The following FARP1 variants were observed in gnomAD, a reference collection of about 807,000 sequenced individuals.
FARP1 encodes the protein FERM, ARHGEF and pleckstrin domain-containing protein 1.
A neutral mutation model predicts 128.8 loss-of-function variants in FARP1; 52 were observed. That is an observed-to-expected ratio of 0.40 (90% CI 0.32 to 0.51). The LOEUF is 0.51. Among genes scored for constraint, FARP1 ranks in the 20% least tolerant of loss-of-function variants. The probability of loss-of-function intolerance (pLI) is 0.45; values close to 1 mark genes in which losing one functional copy is unlikely to be tolerated. For synonymous variants in FARP1, 580 were observed against 551.8 expected (o/e 1.05, Z -0.72); for missense variants, 1,333 against 1,367.9 (o/e 0.97, Z 0.40).
intron 2 of FARP1, among the ~76,000 whole-genome samples, chr13:98,297,470 C>T (rs1454106811): frequency 6.6e-6 from 1 of 152,216 alleles, no homozygotes; most frequent in Non-Finnish European, 1.5e-5. Context: ...AGGCTTTGTT[C>T]ATGCTATTTT....
At chr13:98,238,831 C>T (rs1217572666) in intron 2 of FARP1, among the ~76,000 whole-genome samples, 1 of 152,098 alleles carries the variant, frequency 6.6e-6, no homozygotes, top group South Asian at 2.1e-4. Flanking sequence ...CAACAATAGG[C>T]TATGAGTAGT....
chr13:98,225,891 G>A lies in FARP1; in HGVS notation c.171+12478G>A, dbSNP rs143810668. 4.9e-4 allele frequency among the ~76,000 whole-genome samples: 75 copies of A among 152,328 alleles called. No homozygotes were observed. In the East Asian group the frequency reaches 0.014, roughly 28 times the overall value. On this transcript the variant is annotated intron_variant, in intron 2 of 26. Coordinates refer to ENST00000319562, the MANE Select transcript of FARP1 (RefSeq NM_005766.4). The stretch of plus-strand genomic sequence containing the variant: ...CACACAAGGTACTGACTGAAAACAA[G>A]GGCGTTTTTGTACATCCCTTTTACC...
chr13:98,362,311 C>A (rs1358680589), intron 3 of FARP1, among the ~76,000 whole-genome samples: 1 of 152,172 alleles, frequency 6.6e-6, no homozygotes, highest in African/African-American at 2.4e-5. Context: ...AGCTACCCCC[C>A]ATTCTGTTGC....
At chr13:98,358,627 G>GT (rs577449797) in intron 3 of FARP1, among the ~76,000 whole-genome samples, 2 of 152,016 alleles carry the variant, frequency 1.3e-5, no homozygotes, top group East Asian at 3.9e-4. Flanking sequence ...TCAAAGTAAA[G>GT]TTTTTTTGTT....
At position 98,365,429 on chromosome 13, in the gene FARP1, A is replaced by G. The variant is rs770114460; in HGVS notation, c.311A>G (p.Gln104Arg). 6.2e-7 allele frequency: 1 copy of G among 1,608,096 alleles called. No individual in the cohort carries two copies. Among genetic ancestry groups the G allele is most frequent in the Non-Finnish European group, 8.5e-7 (1 of 1,174,680 alleles). Residue 104 changes from glutamine (Q) to arginine (R), a missense_variant, in exon 4 of 27, where the codon CAG becomes CGG. Physicochemically the swap from Gln to Arg is conservative, Grantham distance 43 (BLOSUM62 1). Around this residue, in one of 2 missense-constraint regions of FARP1, gnomAD observed 324 missense variants for 398.1 expected, o/e 0.81. Transcript: ENST00000319562. ...GATCTCCTAAAACCCATTGTGAAAC[A>G]GATTAGAAGTGAGTATATACCATAT... ...WLDLLKPIVK[Q>R]IRRPKHVVVK...
rs77535871 is a variant in FARP1 at position 98,439,618 on chromosome 13, C to T, written c.2434-343C>T. The stretch of plus-strand genomic sequence containing the variant: ...CTGGGCCAGCCACCTCGTCCTCCCC[C>T]GAGTTGGTTTGGGGCTGCCTCCTGT... On this transcript the variant is annotated intron_variant, in intron 21 of 26. Transcript: ENST00000319562. Among the ~76,000 whole-genome samples the T allele has an allele frequency of 7.6e-3, 1,151 of 152,264 alleles. 22 individuals are homozygous for T. The highest frequency in any genetic ancestry group is 0.022 in the African/African-American group (904 of 41,542).
chr13:98,361,765 G>A (rs955932119), intron 3 of FARP1, among the ~76,000 whole-genome samples: 1 of 151,970 alleles, frequency 6.6e-6, no homozygotes, highest in African/African-American at 2.4e-5. Flanking sequence ...CTCACAGATC[G>A]AAGGAGGATG....
intron 2 of FARP1, among the ~76,000 whole-genome samples, chr13:98,312,585 TC>T (rs1555336496): frequency 6.6e-6 from 1 of 151,228 alleles, no homozygotes; most frequent in Non-Finnish European, 1.5e-5. Context: ...TCATAATGCT[TC>T]CCCCCCCACC....
chr13:98,312,822 C>G (rs984800305), intron 2 of FARP1, among the ~76,000 whole-genome samples: 1 of 152,154 alleles, frequency 6.6e-6, no homozygotes, highest in African/African-American at 2.4e-5. Flanking sequence ...GGCGCTCTGC[C>G]TTCTCCCTCA....
At chr13:98,145,523 CAG>C (rs1405266660) in intron 1 of FARP1, among the ~76,000 whole-genome samples, 1 of 151,926 alleles carries the variant, frequency 6.6e-6, no homozygotes, top group Non-Finnish European at 1.5e-5. Flanking sequence ...CAGAATTATC[CAG>C]AGTTTACAAG....
intron 21 of FARP1, among the ~76,000 whole-genome samples, chr13:98,439,608 C>T (rs1431250473): frequency 1.3e-5 from 2 of 152,166 alleles, no homozygotes; most frequent in Admixed American, 6.5e-5. Context: ...CCAGCCACCT[C>T]GTCCTCCCCC....
At chr13:98,236,602 T>A (rs1298491915) in intron 2 of FARP1, among the ~76,000 whole-genome samples, 1 of 151,872 alleles carries the variant, frequency 6.6e-6, no homozygotes, top group Non-Finnish European at 1.5e-5. Flanking sequence ...AATAAAAAAA[T>A]TAAGAAAGTG....
chr13:98,232,140 GGTTGGTT>G (rs1445219461), intron 2 of FARP1, among the ~76,000 whole-genome samples: 4,799 of 92,234 alleles, frequency 0.052, 480 homozygotes, highest in African/African-American at 0.2. Flanking sequence ...TTTTTTGTTT[GGTTGGTT>G]TTTTTTTTTT....
intron 2 of FARP1, among the ~76,000 whole-genome samples, chr13:98,310,831 T>TCTCA (rs1886425744): frequency 6.6e-6 from 1 of 152,200 alleles, no homozygotes; most frequent in Non-Finnish European, 1.5e-5. Flanking sequence ...TGGAGATGAA[T>TCTCA]CTCAATATAT....
intron 4 of FARP1, among the ~76,000 whole-genome samples, chr13:98,365,706 G>C (rs1483636887): frequency 1.3e-5 from 2 of 152,172 alleles, no homozygotes; most frequent in Non-Finnish European, 2.9e-5. Flanking sequence ...TTAAACCCCA[G>C]AATAATTGAG....
At position 98,388,369 on chromosome 13, in the gene FARP1, G is replaced by T. The variant is rs367696550; in HGVS notation, c.760-14G>T. 7.3e-5 allele frequency: 118 copies of T among 1,606,232 alleles called. No individual in the cohort carries two copies. The highest frequency in any genetic ancestry group is 9.5e-5 in the Non-Finnish European group (112 of 1,172,906). ...ATGCATTTCCTGGCTCACTGCTACTGTCTTTCTTTTTAGGGTTTCACTAAG... is the reference window on the plus strand; with the variant it reads ...ATGCATTTCCTGGCTCACTGCTACTTTCTTTCTTTTTAGGGTTTCACTAAG... On this transcript the variant is annotated splice_polypyrimidine_tract_variant and intron_variant, in intron 8 of 26. Transcript: ENST00000319562.
At chr13:98,146,881 T>C (rs9556886) in intron 1 of FARP1, among the ~76,000 whole-genome samples, 97,627 of 151,948 alleles carry the variant, frequency 0.64, 31,502 homozygotes, top group East Asian at 0.82. Flanking sequence ...TCTTTTCTTG[T>C]CTTTTAGTGT....
At chr13:98,360,252 C>T (rs148069469) in intron 3 of FARP1, among the ~76,000 whole-genome samples, 4 of 152,210 alleles carry the variant, frequency 2.6e-5, no homozygotes, top group African/African-American at 7.2e-5. Flanking sequence ...TGCGCCACCA[C>T]GGCTGGCTAA....
intron 2 of FARP1, among the ~76,000 whole-genome samples, chr13:98,219,437 C>T (rs1881284646): frequency 6.6e-6 from 1 of 151,972 alleles, no homozygotes; most frequent in Non-Finnish European, 1.5e-5. Context: ...TCACTGCAGC[C>T]TCAAACTCCT....
Sources: gnomAD v4.1 joint callset for allele counts (sites outside exome capture counted in the v4.1 genomes callset) on GRCh38, gnomAD v4.1.1 for gene constraint, gnomAD v4.1.1 regional missense constraint, MANE v1.5 for transcripts, NCBI Gene and HGNC (gene_info 2026-07-23, HGNC 2026-07-21) for gene names.